The following RNF125 variants were observed in gnomAD, a reference collection of about 807,000 sequenced individuals.
RNF125 encodes ring finger protein 125, also known as E3 ubiquitin-protein ligase RNF125.
RNF125 carries 21 observed loss-of-function variants against 26.0 expected under a neutral mutation model. The observed-to-expected ratio is 0.81, with a 90% CI of 0.57 to 1.16. The LOEUF is 1.16. RNF125 is among the 50% of genes most tolerant of loss of function. The pLI is 0.00. For missense variants in RNF125, 270 were observed against 299.4 expected, an observed-to-expected ratio of 0.90 and a Z score of 0.72; for synonymous variants, 95 against 109.2, an observed-to-expected ratio of 0.87 and a Z score of 0.81.
intron 1 of RNF125, among the ~76,000 whole-genome samples, chr18:32,021,514 G>C (rs1208607563): frequency 6.6e-6 from 1 of 152,196 alleles, no homozygotes; most frequent in East Asian, 1.9e-4. Flanking sequence ...CCACAGGCCA[G>C]TCTGGAAGCC....
chr18:32,030,203 C>A (rs770310968), intron 1 of RNF125, among the ~76,000 whole-genome samples: 27 of 152,180 alleles, frequency 1.8e-4, no homozygotes, highest in Non-Finnish European at 3.5e-4. Flanking sequence ...GCTGCCACGC[C>A]CAACTAATTT....
intron 4 of RNF125, among the ~76,000 whole-genome samples, chr18:32,050,948 T>G (rs1408836413): frequency 7.4e-6 from 1 of 135,686 alleles, no homozygotes; most frequent in East Asian, 2.4e-4. Flanking sequence ...GTCTCGAACT[T>G]GTGAGCTCAA....
At chr18:32,042,302 C>T (rs772751882) in intron 3 of RNF125, 29 bp downstream of exon 3, 12 of 1,342,026 alleles carry the variant, frequency 8.9e-6, no homozygotes, top group Non-Finnish European at 1.2e-5. Flanking sequence ...TAGTTTAATG[C>T]TAAAATTGAT....
Position 32,020,706 on chromosome 18 carries a change from C to T in RNF125, c.164+1679C>T, listed in dbSNP as rs539123727. On this transcript the variant is annotated intron_variant, in intron 1 of 5. Transcript: ENST00000217740. Reference sequence around the variant, plus strand: ...GATGGATCACCTGAGGTCAGGAGTTCGAGACCAGCCTGGCCGACATGGTGA... The same window carrying T: ...GATGGATCACCTGAGGTCAGGAGTTTGAGACCAGCCTGGCCGACATGGTGA... Among the ~76,000 whole-genome samples the T allele has an allele frequency of 1.5e-4, 23 of 151,678 alleles. No individual in the cohort carries two copies. In the South Asian group the frequency reaches 4.4e-3, roughly 29 times the overall value.
chr18:32,053,241 A>G (rs1357582180), intron 4 of RNF125, among the ~76,000 whole-genome samples: 1 of 152,134 alleles, frequency 6.6e-6, no homozygotes, highest in African/African-American at 2.4e-5. Flanking sequence ...ACATACCTGT[A>G]ATCCCAGCTA....
chr18:32,048,257 C>CAAAAAAAAA (rs56147477), intron 4 of RNF125, among the ~76,000 whole-genome samples: 1 of 117,788 alleles, frequency 8.5e-6, no homozygotes. Flanking sequence ...ACTAAAAATA[C>CAAAAAAAAA]AAAAAAAAAA....
At chr18:32,057,727 C>T (rs115023707) in intron 4 of RNF125, among the ~76,000 whole-genome samples, 2,322 of 152,090 alleles carry the variant, frequency 0.015, 58 homozygotes, top group African/African-American at 0.053. Flanking sequence ...ATTTGTTCGC[C>T]TACTATTTTA....
At chr18:32,052,218 G>A (rs1022901480) in intron 4 of RNF125, among the ~76,000 whole-genome samples, 1 of 151,926 alleles carries the variant, frequency 6.6e-6, no homozygotes, top group African/African-American at 2.4e-5. Flanking sequence ...TCAGTGGCCG[G>A]GTGTGGTGGC....
intron 1 of RNF125, among the ~76,000 whole-genome samples, chr18:32,030,188 C>A (rs777736056): frequency 6.6e-6 from 1 of 152,084 alleles, no homozygotes; most frequent in South Asian, 2.1e-4. Flanking sequence ...GGACTACTGG[C>A]GCATGCTGCC....
intron 1 of RNF125, 21 bp downstream of exon 1, chr18:32,019,048 G>A (rs1199967762): frequency 3.7e-6 from 6 of 1,610,466 alleles, no homozygotes; most frequent in Non-Finnish European, 5.1e-6. Flanking sequence ...GGGGAGCTCG[G>A]TTTGCGCCCA....
chr18:32,030,810 A>G (rs1486186506), intron 1 of RNF125, among the ~76,000 whole-genome samples: 5 of 152,190 alleles, frequency 3.3e-5, no homozygotes, highest in Non-Finnish European at 7.3e-5. Context: ...CCTGGTGGAA[A>G]GGTAGAAAGA....
In RNF125 at chr18:32,030,333, C is replaced by T. The variant is rs147041736; in HGVS notation, c.165-6783C>T. The stretch of plus-strand genomic sequence containing the variant: ...GCTGGGATTACAGGCGTGAGCCACC[C>T]TACCCGGCAGTGAATGTACCTAATT... On this transcript the variant is annotated intron_variant, in intron 1 of 5. Coordinates refer to ENST00000217740, the MANE Select transcript of RNF125 (RefSeq NM_017831.4). 9.9e-5 allele frequency among the ~76,000 whole-genome samples: 15 copies of T among 152,276 alleles called. No homozygotes were observed. The East Asian group carries it at 1.2e-3, about 12-fold the overall frequency.
At chr18:32,065,878 AC>A in intron 4 of RNF125, 23 bp from the exon 5 acceptor site, 4 of 1,478,320 alleles carry the variant, frequency 2.7e-6, no homozygotes, top group Middle Eastern at 1.7e-4. Flanking sequence ...TCTTTCTTGA[AC>A]CCCTGGTCTT....
intron 1 of RNF125, among the ~76,000 whole-genome samples, chr18:32,023,379 C>G (rs955392046): frequency 1.3e-5 from 2 of 152,122 alleles, no homozygotes; most frequent in African/African-American, 4.8e-5. Flanking sequence ...TCTTGAACCC[C>G]TGAGCTCAGG....
At chr18:32,065,820 C>T (rs1013043580) in intron 4 of RNF125, 82 bp from the exon 5 acceptor site, 21 of 985,524 alleles carry the variant, frequency 2.1e-5, no homozygotes, top group Middle Eastern at 2.1e-4. Context: ...CGTAAGCCAC[C>T]GCGCCCAGCC....
At chr18:32,033,818 T>TCAAACAAA (rs111827492) in intron 1 of RNF125, among the ~76,000 whole-genome samples, 2 of 151,490 alleles carry the variant, frequency 1.3e-5, no homozygotes, top group South Asian at 2.1e-4. Flanking sequence ...AAATTTCATC[T>TCAAACAAA]CAAACAAACA....
At chr18:32,077,059 G>A (rs2039574915), downstream of RNF125, among the ~76,000 whole-genome samples, 1 of 152,068 alleles carries the variant, frequency 6.6e-6, no homozygotes, top group African/African-American at 2.4e-5. Flanking sequence ...TGGATTGCAA[G>A]TATTCACCAC....
rs1161192022 is a variant in RNF125, at chr18:32,037,126, T to C, written c.175T>C (p.Ser59Pro). ...RTRCGHVFCR[S>P]CIATSLKNNK... is the part of the protein sequence containing the mutation. ...GTCTGTTTGGGGTAGATTCTGCCGT[T>C]CCTGTATTGCTACCAGTCTAAAGAA... Residue 59 changes from serine (S) to proline (P), a missense_variant, in exon 2 of 6, where the codon TCC becomes CCC. Physicochemically the swap from Ser to Pro is moderately conservative, Grantham distance 74. Transcript: ENST00000217740. The C allele has an allele frequency of 1.9e-6, 3 of 1,603,282 alleles. No individual in the cohort carries two copies. In the Admixed American group the frequency reaches 5.2e-5, roughly 28 times the overall value.
intron 4 of RNF125, among the ~76,000 whole-genome samples, chr18:32,061,117 T>C (rs1353159049): frequency 1.3e-5 from 2 of 152,130 alleles, no homozygotes; most frequent in Non-Finnish European, 2.9e-5. Context: ...CTCCGCCTCC[T>C]GGGTTCACGC....
Sources: allele counts gnomAD v4.1 joint callset (sites outside exome capture counted in the v4.1 genomes callset), GRCh38; gene constraint gnomAD v4.1.1; transcripts MANE v1.5; gene names NCBI Gene and HGNC (gene_info 2026-07-23, HGNC 2026-07-21).